Variants in PXDNL observed in about 807,000 individuals in gnomAD.
PXDNL encodes the protein probable oxidoreductase PXDNL.
In PXDNL, 145 loss-of-function variants were observed where a neutral mutation model predicts 150.8. That is an observed-to-expected ratio of 0.96 (90% CI 0.84 to 1.10). The LOEUF is 1.10. PXDNL is among the 50% of genes least tolerant of loss of function. The pLI, the probability that PXDNL is intolerant of heterozygous loss-of-function variation, is 0.00. For synonymous variants in PXDNL, 757 were observed against 725.7 expected, an observed-to-expected ratio of 1.04 and a Z score of -0.69; for missense variants, 2,087 against 1,873.9, an observed-to-expected ratio of 1.11 and a Z score of -2.10.
chr8:51,726,094 C>CTT (rs1190989290), intron 1 of PXDNL, among the ~76,000 whole-genome samples: 1 of 152,226 alleles, frequency 6.6e-6, no homozygotes, highest in African/African-American at 2.4e-5. Flanking sequence ...GAGACTTAAA[C>CTT]ATTACAGAAA....
intron 19 of PXDNL, among the ~76,000 whole-genome samples, chr8:51,354,069 G>A (rs999172177): frequency 1.3e-5 from 2 of 151,986 alleles, no homozygotes; most frequent in South Asian, 4.1e-4. Context: ...TAAGATTTTT[G>A]TTCTTCAATG....
At chr8:51,411,066 C>T (rs1808625772) in intron 16 of PXDNL, among the ~76,000 whole-genome samples, 184 bp downstream of exon 16, 1 of 152,154 alleles carries the variant, frequency 6.6e-6, no homozygotes, top group Non-Finnish European at 1.5e-5. Flanking sequence ...ATATATTTAT[C>T]ATCCTTACTT....
chr8:51,413,335 C>T, intron 14 of PXDNL, 77 bp from the exon 15 acceptor site: 2 of 815,436 alleles, frequency 2.5e-6, no homozygotes, highest in Non-Finnish European at 4.1e-6. Flanking sequence ...AATGGCATTA[C>T]ATTTTTAAAT....
At chr8:51,567,383 T>TATCA (rs778146252) in intron 3 of PXDNL, among the ~76,000 whole-genome samples, 1 of 151,880 alleles carries the variant, frequency 6.6e-6, no homozygotes, top group Non-Finnish European at 1.5e-5. Context: ...AGCCTTCAAC[T>TATCA]ATCATAGTCG....
intron 1 of PXDNL, among the ~76,000 whole-genome samples, chr8:51,792,383 G>C (rs1204680176): frequency 1.3e-5 from 2 of 152,204 alleles, no homozygotes. Flanking sequence ...GTGCTACCCT[G>C]TCTGGGAAAC....
rs1390606842 is a variant in PXDNL, at chr8:51,809,204, C to T, written c.141G>A (p.Gln47=). The change falls in exon 1 of 23, where the codon CAG becomes CAA. Residue 47 remains glutamine (Q), a synonymous_variant. Transcript: ENST00000356297. ...CMHLMLDHIP[Q]VPQQTTVLDL... ...ACAGAACTGTGGTCTGCTGTGGTAC[C>T]TGAGGAATGTGGTCCAGCATCAAGT... 1 of 1,613,754 alleles carries T rather than the reference C, an allele frequency of 6.2e-7. No homozygotes were observed. The highest frequency in any genetic ancestry group is 2.2e-5 in the East Asian group (1 of 44,846).
chr8:51,576,127 C>T (rs186207273), intron 3 of PXDNL, among the ~76,000 whole-genome samples: 21 of 150,912 alleles, frequency 1.4e-4, no homozygotes, highest in African/African-American at 4.9e-4. Flanking sequence ...CAGAAAATCA[C>T]CCAAGAAATA....
intron 1 of PXDNL, among the ~76,000 whole-genome samples, chr8:51,695,268 A>G (rs2130869315): frequency 6.6e-6 from 1 of 152,362 alleles, no homozygotes; most frequent in Admixed American, 6.5e-5. Flanking sequence ...TAAATGAATT[A>G]TCATTTCCTA....
chr8:51,361,248 C>T (rs1806728009), intron 19 of PXDNL, among the ~76,000 whole-genome samples: 1 of 152,198 alleles, frequency 6.6e-6, no homozygotes. Context: ...CTGATATTAA[C>T]TGGCTTGGAT....
chr8:51,445,218 C>T (rs980496533), intron 12 of PXDNL, among the ~76,000 whole-genome samples: 25 of 152,128 alleles, frequency 1.6e-4, no homozygotes, highest in Admixed American at 1.5e-3. Flanking sequence ...CCACCACGCT[C>T]GCCCCAGGTT....
intron 4 of PXDNL, among the ~76,000 whole-genome samples, chr8:51,552,256 A>G (rs901779846): frequency 2.6e-5 from 4 of 152,192 alleles, no homozygotes; most frequent in Non-Finnish European, 4.4e-5. Context: ...TACAACCACT[A>G]TGGAAAACAG....
chr8:51,787,370 G>C (rs990862485), intron 1 of PXDNL, among the ~76,000 whole-genome samples: 2 of 152,196 alleles, frequency 1.3e-5, no homozygotes, highest in Admixed American at 1.3e-4. Context: ...TTCTGGAAAA[G>C]ATTCACCATT....
chr8:51,734,472 C>T (rs4354299), intron 1 of PXDNL, among the ~76,000 whole-genome samples: 148,068 of 152,304 alleles, frequency 0.97, 72,110 homozygotes, highest in East Asian at 1. Flanking sequence ...TCTAAGTTGA[C>T]GAGTGAATAA....
intron 1 of PXDNL, among the ~76,000 whole-genome samples, chr8:51,684,946 T>A (rs1265136679): frequency 6.6e-6 from 1 of 152,068 alleles, no homozygotes; most frequent in East Asian, 1.9e-4. Flanking sequence ...GCTGACACAA[T>A]CTCAGCTATG....
chr8:51,377,997 G>T (rs148410731), intron 17 of PXDNL, among the ~76,000 whole-genome samples: 1,542 of 152,376 alleles, frequency 0.01, 21 homozygotes, highest in African/African-American at 0.034. Context: ...GTCTAGTGGG[G>T]ACTTGGAGAA....
intron 1 of PXDNL, among the ~76,000 whole-genome samples, chr8:51,792,396 C>T (rs1202199209): frequency 6.6e-6 from 1 of 152,178 alleles, no homozygotes; most frequent in East Asian, 1.9e-4. Context: ...TGGGAAACCA[C>T]GCTTTTTCCA....
chr8:51,636,729 C>T (rs1381207059), intron 2 of PXDNL, among the ~76,000 whole-genome samples: 1 of 151,682 alleles, frequency 6.6e-6, no homozygotes, highest in Non-Finnish European at 1.5e-5. Context: ...AATTGGAAAG[C>T]TTAAGATGTT....
At chr8:51,497,373 G>A (rs932260436) in intron 5 of PXDNL, among the ~76,000 whole-genome samples, 1 of 152,114 alleles carries the variant, frequency 6.6e-6, no homozygotes, top group African/African-American at 2.4e-5. Context: ...CATAGGCATG[G>A]GCAAGGACTT....
At chr8:51,589,639 C>A (rs1813398580) in intron 3 of PXDNL, among the ~76,000 whole-genome samples, 1 of 152,132 alleles carries the variant, frequency 6.6e-6, no homozygotes, top group Admixed American at 6.5e-5. Context: ...TGTCCTAGGA[C>A]TTTATGGAAT....
Sources: allele counts gnomAD v4.1 joint callset (sites outside exome capture counted in the v4.1 genomes callset), GRCh38; gene constraint gnomAD v4.1.1; transcripts MANE v1.5; gene names NCBI Gene and HGNC (gene_info 2026-07-23, HGNC 2026-07-21).